The following BICRA variants were observed in gnomAD, a reference collection of about 807,000 sequenced individuals.
The protein encoded by BICRA is BRD4 interacting chromatin remodeling complex associated protein.
Under a neutral mutation model 96.9 loss-of-function variants are expected in BICRA, and 31 were observed. That is an observed-to-expected ratio of 0.32 (90% CI 0.24 to 0.43). BICRA has a LOEUF of 0.43. BICRA is among the 20% of genes least tolerant of loss of function. BICRA has a pLI of 1.00. For synonymous variants in BICRA, 1,350 were observed against 1,071.8 expected (o/e 1.26, Z -5.07); for missense variants, 2,283 against 2,190.3 (o/e 1.04, Z -0.84).
chr19:47,636,726 T>C (rs1405907915), intron 1 of BICRA, among the ~76,000 whole-genome samples: 1 of 152,184 alleles, frequency 6.6e-6, no homozygotes, highest in African/African-American at 2.4e-5. Context: ...CAGGCTGGAC[T>C]TGAATTCCTG....
intron 1 of BICRA, among the ~76,000 whole-genome samples, chr19:47,633,961 A>G (rs1456896501): frequency 6.6e-6 from 1 of 152,042 alleles, no homozygotes. Context: ...AAGCCTGAAA[A>G]ACCCCTCATT....
chr19:47,697,219 A>G (rs974810783), intron 11 of BICRA, among the ~76,000 whole-genome samples: 8 of 151,830 alleles, frequency 5.3e-5, no homozygotes, highest in Non-Finnish European at 8.8e-5. Flanking sequence ...GTTGGCCTCA[A>G]GTGATCCACC....
At chr19:47,624,626 TA>T (rs1207644274) in intron 1 of BICRA, among the ~76,000 whole-genome samples, 1 of 151,710 alleles carries the variant, frequency 6.6e-6, no homozygotes, top group Non-Finnish European at 1.5e-5. Context: ...CTTCAGTTCG[TA>T]AAAAAATGCT....
At chr19:47,631,459 C>T (rs1392522256) in intron 1 of BICRA, among the ~76,000 whole-genome samples, 1 of 152,066 alleles carries the variant, frequency 6.6e-6, no homozygotes, top group Non-Finnish European at 1.5e-5. Context: ...AACTCCTGAC[C>T]TCAGGTGATC....
intron 1 of BICRA, among the ~76,000 whole-genome samples, chr19:47,635,963 C>A (rs571206029): frequency 1.8e-4 from 27 of 152,238 alleles, no homozygotes; most frequent in African/African-American, 5.8e-4. Context: ...AGCATGAAGC[C>A]TTTGCTTTCT....
At chr19:47,618,566 A>T (rs978359214) in intron 1 of BICRA, among the ~76,000 whole-genome samples, 2 of 151,362 alleles carry the variant, frequency 1.3e-5, no homozygotes, top group African/African-American at 4.9e-5. Context: ...ATGCCCCTTG[A>T]CCCCCCAGCC....
rs551001417 is a variant in BICRA at position 47,699,634 on chromosome 19, C to T, written c.3595+229C>T. ...TCCATCCCTGTGTGGCCCTTCCACCCCCACCACTCTGGGATGGGGGGAATA... is the reference window on the plus strand; with the variant it reads ...TCCATCCCTGTGTGGCCCTTCCACCTCCACCACTCTGGGATGGGGGGAATA... On this transcript the variant is annotated intron_variant, in intron 14 of 14. Transcript: ENST00000594866. This position sits in a 1 kb window ranked among gnomAD's most constrained non-coding sequence, Gnocchi z 5.0. Among the ~76,000 whole-genome samples the T allele has an allele frequency of 1.3e-5, 2 of 152,290 alleles. No individual in the cohort carries two copies. Among genetic ancestry groups the T allele is most frequent in the African/African-American group, 4.8e-5 (2 of 41,564 alleles).
chr19:47,698,586 T>TCCC lies in BICRA; in HGVS notation c.3249-43_3249-41dup. 4.2e-6 allele frequency: 3 copies of TCCC among 716,710 alleles called. No homozygotes were observed. Among genetic ancestry groups the TCCC allele is most frequent in the Non-Finnish European group, 2.5e-6 (1 of 392,846 alleles). 44.4% of individuals were successfully genotyped at this position (716,710 alleles called of 1,614,324 possible). A position where few individuals can be genotyped will look rare whatever the true frequency, so the allele number is the denominator to read the frequency against. On this transcript the variant is annotated intron_variant, in intron 11 of 14. Transcript: ENST00000594866. The surrounding 1 kb of genome is among the most constrained non-coding windows in gnomAD (Gnocchi z 4.8). ...AGGGACTTCCCCTGGCCCTCACCCG[T>TCCC]CCCCCCCACCCTCCGCCGTGTGTGG...
intron 1 of BICRA, among the ~76,000 whole-genome samples, chr19:47,628,232 T>G (rs1972169221): frequency 6.6e-6 from 1 of 152,198 alleles, no homozygotes; most frequent in Non-Finnish European, 1.5e-5. Context: ...CATTGGGCTG[T>G]GATGCAGATC....
rs191148484 is a variant in BICRA at position 47,679,441 on chromosome 19, G to A, written c.271G>A (p.Gly91Ser). ...ILGSPATGGG[G>S]GGSGGADQPC... ...GGGCTCTCCTGCGACAGGGGGCGGC[G>A]GCGGGGGCAGTGGGGGCGCTGACCA... is the stretch of plus-strand genomic sequence containing the variant. Residue 91 changes from glycine to serine, a missense_variant, in exon 6 of 15, where the codon GGC (glycine) becomes AGC (serine). Transcript: ENST00000594866. 2.2e-4 allele frequency: 323 copies of A among 1,497,132 alleles called. 1 individual carries two copies. The African/African-American group carries it at 4.1e-3, about 19-fold the overall frequency. 92.7% of individuals were successfully genotyped at this position (1,497,132 alleles called of 1,614,324 possible).
intron 1 of BICRA, among the ~76,000 whole-genome samples, chr19:47,629,749 G>T (rs780968795): frequency 5.6e-4 from 85 of 151,992 alleles, no homozygotes; most frequent in Non-Finnish European, 9.4e-4. Context: ...CCCCTGCCTC[G>T]CAGGTTCAAG....
chr19:47,635,183 A>G lies in BICRA; in HGVS notation c.-108+26015A>G, dbSNP rs932222996. Among the ~76,000 whole-genome samples the G allele has an allele frequency of 4.2e-4, 64 of 152,156 alleles. 1 individual carries two copies. Among genetic ancestry groups the G allele is most frequent in the African/African-American group, 1.5e-3 (61 of 41,532 alleles). On this transcript the variant is annotated intron_variant, in intron 1 of 14. Coordinates refer to ENST00000594866, the MANE Select transcript of BICRA (RefSeq NM_001394372.1). ...ACATAAAATTGAACCATTTTTAAGT[A>G]TACAGTTTGGTGGCACTAAGTACCT...
At chr19:47,652,257 C>T (rs1972551469) in intron 1 of BICRA, among the ~76,000 whole-genome samples, 1 of 152,148 alleles carries the variant, frequency 6.6e-6, no homozygotes, top group African/African-American at 2.4e-5. Flanking sequence ...GTGACCATGG[C>T]TCACTGCAGC....
At chr19:47,611,586 TC>T (rs1202258952) in intron 1 of BICRA, among the ~76,000 whole-genome samples, 1 of 152,202 alleles carries the variant, frequency 6.6e-6, no homozygotes, top group Non-Finnish European at 1.5e-5. Flanking sequence ...GTCTGGTTGT[TC>T]CTATGCCCTG....
At chr19:47,653,134 C>T (rs866935490) in intron 1 of BICRA, among the ~76,000 whole-genome samples, 18 of 151,516 alleles carry the variant, frequency 1.2e-4, no homozygotes, top group African/African-American at 1.7e-4. Flanking sequence ...AGCGATCCTC[C>T]GACCTCAGAC....
At chr19:47,624,406 G>A (rs1190649004) in intron 1 of BICRA, among the ~76,000 whole-genome samples, 1 of 152,222 alleles carries the variant, frequency 6.6e-6, no homozygotes, top group African/African-American at 2.4e-5. Context: ...AGCCACACAC[G>A]TTTTTTGATT....
intron 1 of BICRA, among the ~76,000 whole-genome samples, chr19:47,655,002 C>T (rs764954918): frequency 9.2e-5 from 14 of 152,098 alleles, no homozygotes; most frequent in African/African-American, 9.7e-5. Flanking sequence ...TAATCGCCAA[C>T]GCTTACTCAT....
intron 1 of BICRA, among the ~76,000 whole-genome samples, chr19:47,647,378 C>T (rs888527580): frequency 6.6e-6 from 1 of 152,084 alleles, no homozygotes; most frequent in African/African-American, 2.4e-5. Flanking sequence ...TCCACGGCAG[C>T]GGCACCCTTG....
Position 47,681,272 on chromosome 19 carries a change from C to T in BICRA, c.2102C>T (p.Pro701Leu), listed in dbSNP as rs1216548158. 6.5e-7 allele frequency: 1 copy of T among 1,541,962 alleles called. No individual in the cohort carries two copies. Among genetic ancestry groups the T allele is most frequent in the Non-Finnish European group, 8.7e-7 (1 of 1,149,568 alleles). The stretch of plus-strand genomic sequence containing the variant: ...CAGGACTCCCTGCAGATGTTCCTGC[C>T]CCAGGTAAGCAGGGCGGGGCAAGGG... ...LTQDSLQMFL[P>L]QERSQQPLSA... is the part of the protein sequence containing the mutation. Residue 701 changes from proline to leucine, a missense_variant, in exon 6 of 15, where the codon CCC (proline) becomes CTC (leucine). Transcript: ENST00000594866.
Sources: allele counts gnomAD v4.1 joint callset (sites outside exome capture counted in the v4.1 genomes callset), GRCh38; gene constraint gnomAD v4.1.1; non-coding constraint Gnocchi (gnomAD v3.1); transcripts MANE v1.5; gene names NCBI Gene and HGNC (gene_info 2026-07-23, HGNC 2026-07-21).